LIN28B: variants seen among roughly 807,000 people sequenced by gnomAD.
LIN28B encodes protein lin-28 homolog B.
Under a neutral mutation model 21.9 loss-of-function variants are expected in LIN28B, and 5 were observed. The ratio of observed to expected loss-of-function variants is 0.23; its 90% confidence interval spans 0.12 to 0.48. The LOEUF (loss-of-function observed/expected upper bound fraction) is 0.48, where lower values mean the gene tolerates loss of function less well. Among genes scored for constraint, LIN28B ranks in the 20% least tolerant of loss-of-function variants. The pLI is 0.98. For synonymous variants in LIN28B, 109 were observed against 111.3 expected (o/e 0.98, Z 0.13); for missense variants, 245 against 310.5 (o/e 0.79, Z 1.58).
intron 2 of LIN28B, among the ~76,000 whole-genome samples, chr6:105,020,107 C>CTT (rs1158938023): frequency 0.014 from 1,238 of 87,484 alleles, 6 homozygotes; most frequent in African/African-American, 0.017. Context: ...TCCTGTTATT[C>CTT]TTTTTTTTTT....
chr6:104,954,470 C>T (rs1288409468), upstream of LIN28B, among the ~76,000 whole-genome samples: 2 of 152,136 alleles, frequency 1.3e-5, no homozygotes, highest in Non-Finnish European at 2.9e-5. Flanking sequence ...TACTTCTCTC[C>T]CTTTCCAACT....
chr6:104,971,792 A>C (rs1203058454), intron 2 of LIN28B, among the ~76,000 whole-genome samples: 2 of 152,106 alleles, frequency 1.3e-5, no homozygotes, highest in Non-Finnish European at 2.9e-5. Context: ...TTAAGTTGTC[A>C]CTTAAATTTT....
chr6:104,957,952 G>T, intron 1 of LIN28B, 147 bp from the exon 2 acceptor site: 1 of 481,498 alleles, frequency 2.1e-6, no homozygotes, highest in South Asian at 5.0e-5. Context: ...TATTTTCTGT[G>T]GAGAAAAGAA....
chr6:105,000,306 C>G (rs1315380127), intron 2 of LIN28B, among the ~76,000 whole-genome samples: 1 of 152,076 alleles, frequency 6.6e-6, no homozygotes, highest in Non-Finnish European at 1.5e-5. Context: ...TCTATACACA[C>G]AGTTTTTTAT....
chr6:105,043,439 G>GCCTA (rs1562103612), intron 3 of LIN28B, among the ~76,000 whole-genome samples: 1 of 149,838 alleles, frequency 6.7e-6, no homozygotes, highest in Non-Finnish European at 1.5e-5. Flanking sequence ...TCAGTATGAA[G>GCCTA]CCTACCCTGG....
At chr6:105,023,260 ATTATTATTTATT>A (rs1582901400) in intron 2 of LIN28B, among the ~76,000 whole-genome samples, 1 of 64,004 alleles carries the variant, frequency 1.6e-5, no homozygotes, top group East Asian at 4.8e-4. Context: ...TTTATATATA[ATTATTATTTATT>A]ATTATATATA....
chr6:104,950,249 A>G (rs1582858664), intron 2 of LIN28B, among the ~76,000 whole-genome samples: 1 of 152,098 alleles, frequency 6.6e-6, no homozygotes, highest in South Asian at 2.1e-4. Context: ...TGTTCTTTAA[A>G]CTAGTGTCCT....
At chr6:104,941,866 T>G (rs1290925903) in intron 2 of LIN28B, among the ~76,000 whole-genome samples, 2 of 152,220 alleles carry the variant, frequency 1.3e-5, no homozygotes, top group African/African-American at 4.8e-5. Flanking sequence ...TTTTTAAAAA[T>G]TGCACGTTGG....
intron 2 of LIN28B, among the ~76,000 whole-genome samples, chr6:105,025,302 AAAAT>A (rs550659411): frequency 1.8e-4 from 28 of 152,324 alleles, no homozygotes; most frequent in African/African-American, 6.3e-4. Flanking sequence ...GGGGTTTGAA[AAAAT>A]AAATAAAACT....
chr6:105,026,966 T>G (rs1299620938), intron 3 of LIN28B, among the ~76,000 whole-genome samples: 6 of 152,136 alleles, frequency 3.9e-5, no homozygotes, highest in Non-Finnish European at 7.4e-5. Flanking sequence ...CTTGTAATTT[T>G]TTTCACCTAA....
chr6:104,969,022 G>C (rs985307177), intron 2 of LIN28B, among the ~76,000 whole-genome samples: 2 of 152,002 alleles, frequency 1.3e-5, no homozygotes, highest in Non-Finnish European at 2.9e-5. Context: ...CTTTTCAGCA[G>C]CTCCTTTAAA....
At chr6:104,953,465 G>T (rs559857554), upstream of LIN28B, among the ~76,000 whole-genome samples, 1 of 152,180 alleles carries the variant, frequency 6.6e-6, no homozygotes, top group African/African-American at 2.4e-5. Context: ...TAGGTTGTGC[G>T]TAGTGTTTTT....
At chr6:105,058,166 C>A in intron 3 of LIN28B, 1 of 293,392 alleles carries the variant, frequency 3.4e-6, no homozygotes, top group Non-Finnish European at 6.7e-6. Flanking sequence ...CAACTGGGAA[C>A]CATTTAAAAA....
intron 2 of LIN28B, among the ~76,000 whole-genome samples, chr6:104,972,310 G>T (rs1360467495): frequency 6.6e-6 from 1 of 151,952 alleles, no homozygotes; most frequent in Middle Eastern, 3.2e-3. Flanking sequence ...ACAAAAGCCT[G>T]TTTTTAAGGA....
At chr6:105,032,826 A>G (rs1211862082) in intron 3 of LIN28B, among the ~76,000 whole-genome samples, 2 of 151,962 alleles carry the variant, frequency 1.3e-5, no homozygotes, top group Non-Finnish European at 2.9e-5. Context: ...GCAACTTTAT[A>G]TGTATTTTTG....
At chr6:105,008,085 C>T (rs991097956) in intron 2 of LIN28B, among the ~76,000 whole-genome samples, 3 of 152,196 alleles carry the variant, frequency 2.0e-5, no homozygotes, top group Non-Finnish European at 2.9e-5. Flanking sequence ...GACATAGTAA[C>T]ATCACACCAC....
upstream of LIN28B, chr6:104,957,027 A>G: frequency 1.4e-6 from 2 of 1,391,034 alleles, no homozygotes; most frequent in Non-Finnish European, 1.9e-6. Context: ...ACGAGGTGAA[A>G]TTAGTAGCAA....
At chr6:104,940,099 A>G in intron 2 of LIN28B, 1 of 164,330 alleles carries the variant, frequency 6.1e-6, no homozygotes. Context: ...AGGAAAAGAA[A>G]CAGCTGACAG....
At chr6:105,057,126 A>G (rs1772036958) in intron 3 of LIN28B, among the ~76,000 whole-genome samples, 1 of 152,218 alleles carries the variant, frequency 6.6e-6, no homozygotes, top group Admixed American at 6.5e-5. Flanking sequence ...TAAAAATTAC[A>G]TGTAGAAATT....
Sources: gnomAD v4.1 joint callset for allele counts (sites outside exome capture counted in the v4.1 genomes callset) on GRCh38, gnomAD v4.1.1 for gene constraint, MANE v1.5 for transcripts, NCBI Gene and HGNC (gene_info 2026-07-23, HGNC 2026-07-21) for gene names.